Variants in SNTB2 observed in about 807,000 individuals in gnomAD.
SNTB2 encodes beta-2-syntrophin.
Under a neutral mutation model 46.2 loss-of-function variants are expected in SNTB2, and 34 were observed. The observed-to-expected ratio is 0.74, with a 90% confidence interval of 0.56 to 0.98. The LOEUF is 0.98. Ranked by LOEUF, SNTB2 falls within the 50% of genes least tolerant of loss-of-function variation. The pLI, the probability that SNTB2 is intolerant of heterozygous loss-of-function variation, is 0.00. For missense variants in SNTB2, 603 were observed against 731.4 expected (o/e 0.82, Z 2.02); for synonymous variants, 290 against 312.6 (o/e 0.93, Z 0.76).
intron 1 of SNTB2, among the ~76,000 whole-genome samples, chr16:69,203,412 G>A (rs1964185157): frequency 6.6e-6 from 1 of 152,078 alleles, no homozygotes; most frequent in South Asian, 2.1e-4. Flanking sequence ...ATAGCTCACT[G>A]TAACTAGTTT....
Position 69,300,841 on chromosome 16 carries a change from C to A in SNTB2, c.1540C>A (p.Leu514Met). 1 of 1,612,930 alleles carries A rather than the reference C, an allele frequency of 6.2e-7. No individual in the cohort carries two copies. ...GGPEGELTMD[L>M]HSCPKPIVFV... ...TGTCCTTTCTCCACAGACCATGGAC[C>A]TGCACTCTTGTCCGAAGCCGATTGT... The change falls in exon 7 of 7, where the codon CTG becomes ATG. Residue 514 changes from leucine to methionine, a missense_variant. Leu to Met is a conservative substitution (Grantham distance 15). This residue lies in a region of SNTB2 where 537 missense variants were observed against 692.4 expected (regional missense o/e 0.78). Transcript: ENST00000336278.
At chr16:69,232,324 G>C (rs1670172602) in intron 1 of SNTB2, among the ~76,000 whole-genome samples, 1 of 150,298 alleles carries the variant, frequency 6.7e-6, no homozygotes. Context: ...TCCTGCCTCA[G>C]CCTCCCGAGT....
intron 2 of SNTB2, among the ~76,000 whole-genome samples, chr16:69,255,644 G>C (rs144149941): frequency 0.023 from 3,447 of 152,006 alleles, 129 homozygotes; most frequent in African/African-American, 0.079. Flanking sequence ...ACTTTGGGAG[G>C]CTGAGGCGGG....
Position 69,187,439 on chromosome 16 carries a change from GGGGCCCCCGAGCCCGCCGGCGCCGCCTC to G in SNTB2, c.277_304del (p.Pro93AlafsTer18). On this transcript the variant is annotated frameshift_variant, in exon 1 of 7. Transcript: ENST00000336278. LOFTEE classifies it high-confidence loss of function. ...TGCCCGGGAGCCCAAGCCGCGGCCTGGGGCCCCCGAGCCCGCCGGCGCCGCCTCGGGGCCCCGCGGGTGAGGCGGGCGC... is the reference window on the plus strand; with the variant it reads ...TGCCCGGGAGCCCAAGCCGCGGCCTGGGGGCCCCGCGGGTGAGGCGGGCGC... The G allele has an allele frequency of 8.5e-7, 1 of 1,172,794 alleles. No homozygotes were observed. Among genetic ancestry groups the G allele is most frequent in the Non-Finnish European group, 1.1e-6 (1 of 950,612 alleles). The allele number at this position is 1,172,794 out of a possible 1,614,324, so 72.6% of individuals were successfully genotyped here.
rs1235720138 is a variant in SNTB2, at chr16:69,308,847, AG to A, written c.*7926del. On this transcript the variant is annotated 3_prime_UTR_variant, in exon 7 of 7. Coordinates refer to ENST00000336278, the MANE Select transcript of SNTB2 (RefSeq NM_006750.4). Reference sequence around the variant, plus strand: ...AAATCAAAAACCCAACGCGTAAAACAGGGCAGTATTTGTGTTCCTAATTTTA... The same window carrying A: ...AAATCAAAAACCCAACGCGTAAAACAGGCAGTATTTGTGTTCCTAATTTTA... 1.3e-5 allele frequency: 2 copies of A among 152,360 alleles called. No homozygotes were observed. Among genetic ancestry groups the A allele is most frequent in the Non-Finnish European group, 2.9e-5 (2 of 68,034 alleles). 9.4% of individuals were successfully genotyped at this position (152,360 alleles called of 1,614,324 possible). A position where few individuals can be genotyped will look rare whatever the true frequency, so the allele number is the denominator to read the frequency against.
Position 69,305,755 on chromosome 16 carries a change from G to T in SNTB2, c.*4831G>T, listed in dbSNP as rs1965311208. The T allele has an allele frequency of 6.9e-6, 1 of 145,456 alleles. No homozygotes were observed. The allele number at this position is 145,456 out of a possible 1,614,324, so 9.0% of individuals were successfully genotyped here. On this transcript the variant is annotated 3_prime_UTR_variant, in exon 7 of 7. Coordinates refer to ENST00000336278, the MANE Select transcript of SNTB2 (RefSeq NM_006750.4). ...TTTCAGTTAAATTTCTGTTGTTATT[G>T]TGGCTTTTTTTTTTTTTTAACCCCA...
intron 1 of SNTB2, among the ~76,000 whole-genome samples, chr16:69,211,085 TC>T (rs1334972629): frequency 6.6e-6 from 1 of 152,032 alleles, no homozygotes; most frequent in Non-Finnish European, 1.5e-5. Flanking sequence ...CACCTTGGCC[TC>T]CCAAAAGTGT....
chr16:69,191,056 C>T (rs963930093), intron 1 of SNTB2: 2 of 151,800 alleles, frequency 1.3e-5, no homozygotes, highest in African/African-American at 4.8e-5. Context: ...ATCCAGGGCT[C>T]CATTTTTACC....
At chr16:69,291,022 ATAAG>A (rs1387614191) in intron 5 of SNTB2, among the ~76,000 whole-genome samples, 1 of 152,228 alleles carries the variant, frequency 6.6e-6, no homozygotes, top group Non-Finnish European at 1.5e-5. Flanking sequence ...TAAAAGAAAA[ATAAG>A]TAAGATGTAC....
intron 1 of SNTB2, among the ~76,000 whole-genome samples, chr16:69,207,267 C>T (rs2152291191): frequency 6.6e-6 from 1 of 151,316 alleles, no homozygotes; most frequent in Non-Finnish European, 1.5e-5. Flanking sequence ...GATTCTCCTG[C>T]CTCGGCTTCC....
chr16:69,301,178 T>A lies in SNTB2; in HGVS notation c.*254T>A, dbSNP rs1033477297. 4.1e-5 allele frequency: 15 copies of A among 363,394 alleles called. No individual in the cohort carries two copies. Among genetic ancestry groups the A allele is most frequent in the African/African-American group, 2.8e-4 (14 of 49,464 alleles). The allele number at this position is 363,394 out of a possible 1,614,324, so 22.5% of individuals were successfully genotyped here. A position where few individuals can be genotyped will look rare whatever the true frequency, so the allele number is the denominator to read the frequency against. ...TATTCTCATTTCAAAATATGGTTTATGAGTAATTAGGTTTATTTCTACTGC... is the reference window on the plus strand; with the variant it reads ...TATTCTCATTTCAAAATATGGTTTAAGAGTAATTAGGTTTATTTCTACTGC... On this transcript the variant is annotated 3_prime_UTR_variant, in exon 7 of 7. Coordinates refer to ENST00000336278, the MANE Select transcript of SNTB2 (RefSeq NM_006750.4).
intron 1 of SNTB2, among the ~76,000 whole-genome samples, chr16:69,194,653 C>T (rs1298391534): frequency 6.6e-6 from 1 of 152,132 alleles, no homozygotes; most frequent in Non-Finnish European, 1.5e-5. Flanking sequence ...CTTACTCATC[C>T]ATGTTCCAAT....
At chr16:69,292,974 A>G (rs910188939) in intron 5 of SNTB2, among the ~76,000 whole-genome samples, 9 of 152,060 alleles carry the variant, frequency 5.9e-5, no homozygotes, top group African/African-American at 2.2e-4. Context: ...GTAGAAGGAA[A>G]ACCGGGATTG....
chr16:69,257,530 T>A (rs1964790662), intron 2 of SNTB2, among the ~76,000 whole-genome samples: 1 of 151,950 alleles, frequency 6.6e-6, no homozygotes, highest in South Asian at 2.1e-4. Context: ...CACTGCAAGC[T>A]CCGCCTCCGG....
intron 1 of SNTB2, among the ~76,000 whole-genome samples, chr16:69,205,105 T>G (rs1277764175): frequency 6.6e-6 from 1 of 151,986 alleles, no homozygotes; most frequent in Admixed American, 6.6e-5. Context: ...GTTGTGTACT[T>G]TGTGTACAGT....
At chr16:69,193,116 T>G (rs1202524288) in intron 1 of SNTB2, among the ~76,000 whole-genome samples, 1 of 151,976 alleles carries the variant, frequency 6.6e-6, no homozygotes, top group Non-Finnish European at 1.5e-5. Context: ...CCTAGGCAGG[T>G]GTGGTTGGTC....
rs371084725 is a variant in SNTB2, at chr16:69,295,555, T to G, written c.1346-4035T>G. Among the ~76,000 whole-genome samples the G allele has an allele frequency of 4.6e-5, 7 of 152,058 alleles. No homozygotes were observed. In the East Asian group the frequency reaches 1.2e-3, roughly 25 times the overall value. On this transcript the variant is annotated intron_variant, in intron 5 of 6. Transcript: ENST00000336278. ...GAGCCACCGCGCCCAGCCAACATAC[T>G]GAATTTTTTACTGACTTATCTATAA...
At chr16:69,234,536 T>G (rs542127518) in intron 1 of SNTB2, among the ~76,000 whole-genome samples, 1 of 152,296 alleles carries the variant, frequency 6.6e-6, no homozygotes, top group East Asian at 1.9e-4. Context: ...ATTTTTGTAT[T>G]TATTTTCTTT....
chr16:69,258,883 G>C (rs561805766), intron 2 of SNTB2, among the ~76,000 whole-genome samples: 1 of 152,118 alleles, frequency 6.6e-6, no homozygotes, highest in South Asian at 2.1e-4. Context: ...AAAGTGCTGA[G>C]ATTACAAGCG....
Sources: gnomAD v4.1 joint callset for allele counts (sites outside exome capture counted in the v4.1 genomes callset) on GRCh38, gnomAD v4.1.1 for gene constraint, gnomAD v4.1.1 regional missense constraint, MANE v1.5 for transcripts, NCBI Gene and HGNC (gene_info 2026-07-23, HGNC 2026-07-21) for gene names.